NCALD: variants seen among roughly 807,000 people sequenced by gnomAD.
NCALD encodes the protein neurocalcin delta, also known as neurocalcin-delta.
NCALD carries 10 observed loss-of-function variants against 18.6 expected under a neutral mutation model. That is an observed-to-expected ratio of 0.54 (90% CI 0.33 to 0.91). The LOEUF (loss-of-function observed/expected upper bound fraction) is 0.91, where lower values mean the gene tolerates loss of function less well. NCALD is among the 40% of genes least tolerant of loss of function. The pLI is 0.03. For synonymous variants in NCALD, 88 were observed against 87.4 expected (o/e 1.01, Z -0.04); for missense variants, 184 against 247.6 (o/e 0.74, Z 1.72).
Position 101,689,444 on chromosome 8 carries a change from C to A in NCALD, c.485-38G>T. On this transcript the variant is annotated intron_variant, in intron 3 of 3. Transcript: ENST00000220931. This position sits in a 1 kb window ranked among gnomAD's most constrained non-coding sequence, Gnocchi z 4.4. ...AGGACAGGTGAGTGGTGGCTGGTGG[C>A]AGCTGCATGAGCTTACACCCTTCCC... is the stretch of plus-strand genomic sequence containing the variant. 2 of 1,500,728 alleles carry A rather than the reference C, an allele frequency of 1.3e-6. No homozygotes were observed. Among genetic ancestry groups the A allele is most frequent in the Non-Finnish European group, 1.8e-6 (2 of 1,095,860 alleles). The allele number at this position is 1,500,728 out of a possible 1,614,324, so 93.0% of individuals were successfully genotyped here. A position where few individuals can be genotyped will look rare whatever the true frequency, so the allele number is the denominator to read the frequency against.
intron 2 of NCALD, among the ~76,000 whole-genome samples, chr8:101,972,985 G>C (rs2131902503): frequency 6.6e-6 from 1 of 152,250 alleles, no homozygotes; most frequent in East Asian, 1.9e-4. Context: ...CCCCTAAAGT[G>C]CTCCATGAAA....
chr8:101,696,303 C>T (rs1002770085), intron 2 of NCALD, among the ~76,000 whole-genome samples: 1 of 152,108 alleles, frequency 6.6e-6, no homozygotes, highest in South Asian at 2.1e-4. Context: ...ATAAGGCAGA[C>T]ATTAGTAAAA....
At chr8:102,061,409 A>G (rs983291512) in intron 1 of NCALD, among the ~76,000 whole-genome samples, 1 of 152,122 alleles carries the variant, frequency 6.6e-6, no homozygotes, top group Non-Finnish European at 1.5e-5. Context: ...AAATATTCCA[A>G]ATTTCACTGC....
intron 1 of NCALD, among the ~76,000 whole-genome samples, chr8:101,730,738 T>C (rs78919205): frequency 0.038 from 5,723 of 152,258 alleles, 149 homozygotes; most frequent in Non-Finnish European, 0.06. Flanking sequence ...GACATTTAGG[T>C]TGACTCCACT....
intron 4 of NCALD, among the ~76,000 whole-genome samples, chr8:101,854,036 CATCCGCTTTG>C (rs1815203770): frequency 6.6e-6 from 1 of 152,234 alleles, no homozygotes; most frequent in Admixed American, 6.5e-5. Flanking sequence ...TCAGATATAA[CATCCGCTTTG>C]GCCCAAAAGT....
At chr8:102,039,406 C>T (rs565686112) in intron 1 of NCALD, among the ~76,000 whole-genome samples, 29 of 152,168 alleles carry the variant, frequency 1.9e-4, no homozygotes, top group Non-Finnish European at 4.0e-4. Flanking sequence ...AGAGGGAAGA[C>T]ATTTGTATCT....
At chr8:102,001,482 T>C (rs1365217363) in intron 2 of NCALD, among the ~76,000 whole-genome samples, 1 of 152,224 alleles carries the variant, frequency 6.6e-6, no homozygotes, top group Non-Finnish European at 1.5e-5. Flanking sequence ...ACTTCCCCAA[T>C]CTGGCAAGGC....
intron 1 of NCALD, among the ~76,000 whole-genome samples, chr8:101,753,699 G>C (rs572309852): frequency 5.3e-5 from 8 of 152,126 alleles, no homozygotes; most frequent in Non-Finnish European, 1.2e-4. Context: ...ACAAGGAAGG[G>C]ATAGTCTCTT....
intron 2 of NCALD, among the ~76,000 whole-genome samples, chr8:101,961,376 A>G (rs1819828844): frequency 6.6e-6 from 1 of 152,184 alleles, no homozygotes; most frequent in South Asian, 2.1e-4. Context: ...TAGTTTCCTC[A>G]TCTATAAATC....
intron 2 of NCALD, among the ~76,000 whole-genome samples, chr8:101,981,667 A>G (rs1187318074): frequency 6.6e-6 from 1 of 152,264 alleles, no homozygotes; most frequent in African/African-American, 2.4e-5. Flanking sequence ...AATGGCCATA[A>G]GGAACTTCTC....
At chr8:101,806,012 A>G (rs976932914) in intron 4 of NCALD, among the ~76,000 whole-genome samples, 7 of 152,190 alleles carry the variant, frequency 4.6e-5, no homozygotes, top group African/African-American at 1.7e-4. Flanking sequence ...AGCAGACCAT[A>G]TAACAGAGAG....
At chr8:101,704,875 C>T (rs772332295) in intron 2 of NCALD, among the ~76,000 whole-genome samples, 2 of 145,952 alleles carry the variant, frequency 1.4e-5, no homozygotes, top group African/African-American at 5.1e-5. Context: ...GCTGAGATCG[C>T]GCCATTGCTT....
rs149384911 is a variant in NCALD at position 101,956,657 on chromosome 8, A to G, written c.-156-40799T>C. Among the ~76,000 whole-genome samples, 91 of 152,156 alleles carry G rather than the reference A, an allele frequency of 6.0e-4. 2 individuals are homozygous for G. The East Asian group carries it at 0.017, about 28-fold the overall frequency. On this transcript the variant is annotated intron_variant, in intron 2 of 6. Coordinates refer to the NCALD transcript ENST00000311028. ...AGACAGACACACAGAGAGAGAGACT[A>G]TCTACTCTGGACCATTAAATAATGC... is the stretch of plus-strand genomic sequence containing the variant.
rs914839791 is a variant in NCALD at position 102,056,772 on chromosome 8, G to A, written c.-209-36483C>T. ...AAGGCCGTACACCTACTGTGTCCAGGCAGTAGAGCTGGAGCACCTCAGTTA... is the reference window on the plus strand; with the variant it reads ...AAGGCCGTACACCTACTGTGTCCAGACAGTAGAGCTGGAGCACCTCAGTTA... On this transcript the variant is annotated intron_variant, in intron 1 of 6. Transcript: ENST00000311028. 3.3e-5 allele frequency among the ~76,000 whole-genome samples: 5 copies of A among 152,242 alleles called. No individual in the cohort carries two copies. The East Asian group carries it at 9.6e-4, about 29-fold the overall frequency.
At chr8:101,720,448 C>T (rs1019434469) in intron 1 of NCALD, among the ~76,000 whole-genome samples, 1 of 152,162 alleles carries the variant, frequency 6.6e-6, no homozygotes, top group African/African-American at 2.4e-5. Context: ...AGCAGTATCA[C>T]TTCAAATACT....
At chr8:102,046,615 C>T (rs960734726) in intron 1 of NCALD, among the ~76,000 whole-genome samples, 1 of 152,064 alleles carries the variant, frequency 6.6e-6, no homozygotes, top group Non-Finnish European at 1.5e-5. Flanking sequence ...AGTGATCCTC[C>T]CGCCTCAGTC....
chr8:101,918,740 C>CCACACA (rs34480976), intron 2 of NCALD, among the ~76,000 whole-genome samples: 6,375 of 140,702 alleles, frequency 0.045, 197 homozygotes, highest in African/African-American at 0.091. Context: ...TTTACAATAG[C>CCACACA]CACACACACA....
chr8:102,072,556 T>C (rs956277573), intron 1 of NCALD, among the ~76,000 whole-genome samples: 7 of 151,942 alleles, frequency 4.6e-5, no homozygotes, highest in Non-Finnish European at 7.4e-5. Flanking sequence ...CCTCCGCTAC[T>C]TAGAGAAAAG....
intron 2 of NCALD, among the ~76,000 whole-genome samples, chr8:101,939,690 T>C (rs904849407): frequency 6.6e-6 from 1 of 152,230 alleles, no homozygotes; most frequent in African/African-American, 2.4e-5. Flanking sequence ...TTTATAATAA[T>C]TGAATTCAGT....
Sources: gnomAD v4.1 joint callset for allele counts (sites outside exome capture counted in the v4.1 genomes callset) on GRCh38, gnomAD v4.1.1 for gene constraint, Gnocchi (gnomAD v3.1) non-coding constraint, MANE v1.5 for transcripts, NCBI Gene and HGNC (gene_info 2026-07-23, HGNC 2026-07-21) for gene names.